Variants in BBX observed in about 807,000 individuals in gnomAD.
BBX encodes the protein BBX high mobility group box domain containing, also known as HMG box transcription factor BBX.
Under a neutral mutation model 100.2 loss-of-function variants are expected in BBX, and 30 were observed. The ratio of observed to expected loss-of-function variants is 0.30; its 90% CI spans 0.22 to 0.41. The LOEUF (loss-of-function observed/expected upper bound fraction) is 0.41. Ranked by LOEUF, BBX falls within the 10% of genes least tolerant of loss-of-function variation. The probability of loss-of-function intolerance (pLI) is 1.00; values close to 1 mark genes in which losing one functional copy is unlikely to be tolerated. For missense variants in BBX, 1,023 were observed against 1,129.8 expected (o/e 0.91, Z 1.35); for synonymous variants, 376 against 388.1 (o/e 0.97, Z 0.37).
chr3:107,590,995 G>T (rs2053264581), intron 2 of BBX, among the ~76,000 whole-genome samples: 1 of 152,232 alleles, frequency 6.6e-6, no homozygotes, highest in Admixed American at 6.5e-5. Flanking sequence ...GACCTTTCAT[G>T]ACCTTGCTTC....
chr3:107,789,201 G>T (rs1344074510), intron 13 of BBX, among the ~76,000 whole-genome samples: 1 of 151,854 alleles, frequency 6.6e-6, no homozygotes, highest in African/African-American at 2.4e-5. Flanking sequence ...TCTCAATTTT[G>T]TTTCTTTATC....
chr3:107,579,266 G>A (rs570031942), intron 2 of BBX, among the ~76,000 whole-genome samples: 7 of 152,162 alleles, frequency 4.6e-5, no homozygotes, highest in Non-Finnish European at 1.0e-4. Flanking sequence ...GCACTTGGGC[G>A]AATCATGCAC....
chr3:107,684,651 A>T (rs1330849138), intron 3 of BBX: 1 of 152,210 alleles, frequency 6.6e-6, no homozygotes, highest in Non-Finnish European at 1.5e-5. Flanking sequence ...TTCAGGGAAC[A>T]GTTTTCCCAT....
intron 7 of BBX, among the ~76,000 whole-genome samples, chr3:107,740,960 C>CT (rs975673383): frequency 1.4e-5 from 2 of 148,042 alleles, no homozygotes; most frequent in Non-Finnish European, 3.0e-5. Context: ...ATTTTATTCC[C>CT]TAACACATAC....
chr3:107,693,062 A>G (rs2060298596), intron 3 of BBX, among the ~76,000 whole-genome samples: 1 of 134,566 alleles, frequency 7.4e-6, no homozygotes, highest in Admixed American at 7.5e-5. Flanking sequence ...TTTTTCTTGT[A>G]AATTTGTTTG....
chr3:107,564,332 T>A (rs1488123757), intron 2 of BBX, among the ~76,000 whole-genome samples: 3 of 152,228 alleles, frequency 2.0e-5, no homozygotes, highest in Non-Finnish European at 4.4e-5. Context: ...ATATGGCAAA[T>A]ATTTTTTACA....
chr3:107,652,079 A>T (rs2057871930), intron 3 of BBX, among the ~76,000 whole-genome samples: 1 of 152,160 alleles, frequency 6.6e-6, no homozygotes, highest in Non-Finnish European at 1.5e-5. Flanking sequence ...TAACCTGCTT[A>T]GTTTAATTTG....
rs2050072518 is a variant in BBX, at chr3:107,556,037, G to GT, written c.-84+29640dup. Among the ~76,000 whole-genome samples, 5 of 152,336 alleles carry GT rather than the reference G, an allele frequency of 3.3e-5. No individual in the cohort carries two copies. The South Asian group carries it at 1.0e-3, about 32-fold the overall frequency. On this transcript the variant is annotated intron_variant, in intron 2 of 17. Transcript: ENST00000325805. Reference sequence around the variant, plus strand: ...TTATCCCTGATCTTGTGAGGTTGATGTCAGGGTTGAGAAAGCCATGTTCTT... The same window carrying GT: ...TTATCCCTGATCTTGTGAGGTTGATGTTCAGGGTTGAGAAAGCCATGTTCTT...
intron 3 of BBX, among the ~76,000 whole-genome samples, chr3:107,687,542 C>G (rs1312815115): frequency 6.6e-6 from 1 of 152,104 alleles, no homozygotes; most frequent in South Asian, 2.1e-4. Context: ...TCATGGTCAT[C>G]TAGCCCAACT....
intron 10 of BBX, among the ~76,000 whole-genome samples, chr3:107,762,935 C>T (rs555822008): frequency 5.9e-4 from 90 of 152,208 alleles, no homozygotes; most frequent in African/African-American, 1.9e-3. Flanking sequence ...CACCTGACAC[C>T]GTCGCTTTTT....
intron 2 of BBX, among the ~76,000 whole-genome samples, chr3:107,607,306 C>T (rs574628902): frequency 2.0e-5 from 3 of 152,214 alleles, no homozygotes; most frequent in Admixed American, 2.0e-4. Flanking sequence ...CGTGTTGGCT[C>T]CTGACCTCAG....
At chr3:107,715,022 G>A (rs2062003995) in intron 4 of BBX, among the ~76,000 whole-genome samples, 1 of 152,050 alleles carries the variant, frequency 6.6e-6, no homozygotes, top group Non-Finnish European at 1.5e-5. Flanking sequence ...TTGACCTCAT[G>A]ATCCTCCCAC....
intron 3 of BBX, among the ~76,000 whole-genome samples, chr3:107,698,331 T>A (rs11918431): frequency 0.7 from 105,946 of 151,182 alleles, 38,614 homozygotes; most frequent in Middle Eastern, 0.76. Context: ...ATGTTTTTTT[T>A]AAAAAAAATG....
At chr3:107,720,640 G>T (rs1454777605) in intron 5 of BBX, among the ~76,000 whole-genome samples, 2 of 151,940 alleles carry the variant, frequency 1.3e-5, no homozygotes, top group South Asian at 2.1e-4. Context: ...CAATAAAACA[G>T]CTATGGAATT....
chr3:107,555,337 A>G (rs2050018356), intron 2 of BBX, among the ~76,000 whole-genome samples: 1 of 152,166 alleles, frequency 6.6e-6, no homozygotes, highest in African/African-American at 2.4e-5. Flanking sequence ...CTAGCTCACA[A>G]AGGAATTTAT....
chr3:107,714,783 C>T (rs114442905), intron 4 of BBX, among the ~76,000 whole-genome samples: 1,760 of 151,976 alleles, frequency 0.012, 27 homozygotes, highest in African/African-American at 0.039. Flanking sequence ...AAATACTTAA[C>T]GGCAAAAGAC....
intron 3 of BBX, among the ~76,000 whole-genome samples, chr3:107,673,846 A>C (rs1024882646): frequency 9.9e-5 from 15 of 152,188 alleles, no homozygotes; most frequent in Admixed American, 9.8e-4. Flanking sequence ...GTATAAACAC[A>C]TACCTTTTCC....
At chr3:107,569,398 AT>A (rs1021991968) in intron 2 of BBX, among the ~76,000 whole-genome samples, 3 of 150,050 alleles carry the variant, frequency 2.0e-5, no homozygotes, top group Admixed American at 1.3e-4. Flanking sequence ...TATTTTTTTA[AT>A]TTTTTTTTAT....
At chr3:107,755,251 A>G (rs1189084965) in intron 9 of BBX, among the ~76,000 whole-genome samples, 1 of 152,222 alleles carries the variant, frequency 6.6e-6, no homozygotes, top group Non-Finnish European at 1.5e-5. Context: ...TAAATGCAAA[A>G]TAACTCTAAA....
Sources: allele counts gnomAD v4.1 joint callset (sites outside exome capture counted in the v4.1 genomes callset), GRCh38; gene constraint gnomAD v4.1.1; transcripts MANE v1.5; gene names NCBI Gene and HGNC (gene_info 2026-07-23, HGNC 2026-07-21).